The following CERS6 variants were observed in gnomAD, a reference collection of about 807,000 sequenced individuals.
The protein encoded by CERS6 is LAG1 homolog, ceramide synthase 6.
In CERS6, 26 loss-of-function variants were observed where a neutral mutation model predicts 56.8. The observed-to-expected ratio is 0.46, with a 90% CI of 0.34 to 0.63. The LOEUF (loss-of-function observed/expected upper bound fraction) is 0.63. Among genes scored for constraint, CERS6 ranks in the 30% least tolerant of loss-of-function variants. The pLI, the probability that CERS6 is intolerant of heterozygous loss-of-function variation, is 0.01. For missense variants in CERS6, 415 were observed against 467.5 expected, an observed-to-expected ratio of 0.89 and a Z score of 1.04; for synonymous variants, 164 against 173.3, an observed-to-expected ratio of 0.95 and a Z score of 0.42.
At chr2:168,488,093 C>T (rs555522253) in intron 1 of CERS6, among the ~76,000 whole-genome samples, 1 of 152,098 alleles carries the variant, frequency 6.6e-6, no homozygotes, top group Non-Finnish European at 1.5e-5. Flanking sequence ...GAATTTAGCA[C>T]CTTTGTCAAA....
chr2:168,585,310 T>C (rs766721003), intron 3 of CERS6, among the ~76,000 whole-genome samples: 3 of 152,270 alleles, frequency 2.0e-5, no homozygotes, highest in Non-Finnish European at 4.4e-5. Flanking sequence ...CAAGCACATA[T>C]CATATGCTGG....
chr2:168,666,108 C>T (rs1685755049), intron 4 of CERS6, among the ~76,000 whole-genome samples: 1 of 152,060 alleles, frequency 6.6e-6, no homozygotes, highest in East Asian at 1.9e-4. Flanking sequence ...TTATTTACAT[C>T]TTGCATTATT....
chr2:168,668,444 C>CTTTTT (rs71397660), intron 4 of CERS6, among the ~76,000 whole-genome samples: 2 of 132,320 alleles, frequency 1.5e-5, no homozygotes, highest in Non-Finnish European at 3.1e-5. Flanking sequence ...CCAACTCTAT[C>CTTTTT]TTTTTTTTTT....
chr2:168,559,661 A>G (rs2105380494), intron 2 of CERS6, among the ~76,000 whole-genome samples: 1 of 144,822 alleles, frequency 6.9e-6, no homozygotes, highest in East Asian at 2.0e-4. Flanking sequence ...TCAACATACA[A>G]ATTTTGGGGA....
chr2:168,761,854 A>C (rs980551267), intron 8 of CERS6, among the ~76,000 whole-genome samples: 2 of 152,178 alleles, frequency 1.3e-5, no homozygotes, highest in Non-Finnish European at 2.9e-5. Context: ...ATCCTAATTT[A>C]GTCATTTTTA....
chr2:168,739,796 A>G (rs1683838765), intron 8 of CERS6, among the ~76,000 whole-genome samples: 1 of 151,414 alleles, frequency 6.6e-6, no homozygotes, highest in Non-Finnish European at 1.5e-5. Flanking sequence ...CCCAGGCTGT[A>G]GTACAATGGC....
intron 8 of CERS6, among the ~76,000 whole-genome samples, chr2:168,749,915 G>A (rs1684213138): frequency 6.6e-6 from 1 of 152,232 alleles, no homozygotes. Flanking sequence ...TAGCAGCTCA[G>A]GGCAGTTTTG....
At chr2:168,693,576 C>T (rs1024836493) in intron 5 of CERS6, among the ~76,000 whole-genome samples, 2 of 152,126 alleles carry the variant, frequency 1.3e-5, no homozygotes, top group South Asian at 2.1e-4. Flanking sequence ...TCGTTAATGC[C>T]TTCAAGTTTT....
chr2:168,467,158 T>C (rs1693896136), intron 1 of CERS6, among the ~76,000 whole-genome samples: 2 of 152,174 alleles, frequency 1.3e-5, no homozygotes, highest in Admixed American at 1.3e-4. Context: ...AGGAGCAGCA[T>C]AGAGTTAAGA....
intron 3 of CERS6, among the ~76,000 whole-genome samples, chr2:168,624,545 C>T (rs1176161140): frequency 6.6e-6 from 1 of 151,974 alleles, no homozygotes; most frequent in Non-Finnish European, 1.5e-5. Context: ...GTGATGGTAT[C>T]AGGTATAAAG....
At chr2:168,607,750 A>G (rs1684087745) in intron 3 of CERS6, among the ~76,000 whole-genome samples, 1 of 152,092 alleles carries the variant, frequency 6.6e-6, no homozygotes, top group Admixed American at 6.5e-5. Context: ...AAGAAAGTAT[A>G]AAAGGTTTGC....
intron 4 of CERS6, among the ~76,000 whole-genome samples, chr2:168,672,087 A>G (rs962104480): frequency 6.6e-6 from 1 of 152,236 alleles, no homozygotes; most frequent in African/African-American, 2.4e-5. Flanking sequence ...TGGAGTGAGT[A>G]CAGTGTCATT....
chr2:168,608,688 T>G (rs1684112527), intron 3 of CERS6, among the ~76,000 whole-genome samples: 1 of 152,260 alleles, frequency 6.6e-6, no homozygotes, highest in African/African-American at 2.4e-5. Flanking sequence ...GATATCTGTT[T>G]AGATCTTTTG....
intron 5 of CERS6, among the ~76,000 whole-genome samples, chr2:168,694,258 G>A (rs148671448): frequency 9.7e-4 from 147 of 151,958 alleles, no homozygotes; most frequent in African/African-American, 3.3e-3. Context: ...GCCTCCCCCC[G>A]ACCCTGAGCC....
chr2:168,741,373 T>TAAAAAAAAAAAAAAAAAAAAAA (rs200311434), intron 8 of CERS6, among the ~76,000 whole-genome samples: 1 of 147,080 alleles, frequency 6.8e-6, no homozygotes, highest in African/African-American at 2.5e-5. Flanking sequence ...TTTGGAGAAT[T>TAAAAAAAAAAAAAAAAAAAAAA]AAAAAAAAAA....
intron 3 of CERS6, among the ~76,000 whole-genome samples, chr2:168,625,924 A>G (rs904062753): frequency 2.6e-5 from 4 of 152,322 alleles, no homozygotes; most frequent in Non-Finnish European, 5.9e-5. Context: ...TCAATTATGC[A>G]GCATCCACTA....
At chr2:168,617,702 C>T (rs1017319480) in intron 3 of CERS6, among the ~76,000 whole-genome samples, 10 of 151,774 alleles carry the variant, frequency 6.6e-5, no homozygotes, top group African/African-American at 9.7e-5. Flanking sequence ...ACACCCTGAA[C>T]GGACCAATAA....
chr2:168,547,475 A>G, intron 1 of CERS6, 121 bp from the exon 2 acceptor site: 1 of 673,942 alleles, frequency 1.5e-6, no homozygotes, highest in Non-Finnish European at 2.6e-6. Context: ...GACAATGTAC[A>G]CCCATGAAAT....
At chr2:168,594,971 C>G (rs1683765120) in intron 3 of CERS6, among the ~76,000 whole-genome samples, 1 of 152,158 alleles carries the variant, frequency 6.6e-6, no homozygotes, top group Non-Finnish European at 1.5e-5. Context: ...AATACACTTC[C>G]TTTCTTTGAG....
Sources: gnomAD v4.1 joint callset for allele counts (sites outside exome capture counted in the v4.1 genomes callset) on GRCh38, gnomAD v4.1.1 for gene constraint, MANE v1.5 for transcripts, NCBI Gene and HGNC (gene_info 2026-07-23, HGNC 2026-07-21) for gene names.